The following NEBL variants were observed in gnomAD, a reference collection of about 807,000 sequenced individuals.
NEBL encodes the protein LIM and SH3 protein 2.
NEBL carries 122 observed loss-of-function variants against 140.2 expected under a neutral mutation model. The observed-to-expected ratio is 0.87, with a 90% CI of 0.75 to 1.01. The LOEUF (loss-of-function observed/expected upper bound fraction) is 1.01, where lower values mean the gene tolerates loss of function less well. NEBL is among the 50% of genes least tolerant of loss of function. The probability of loss-of-function intolerance (pLI) is 0.00; values close to 1 mark genes in which losing one functional copy is unlikely to be tolerated. For synonymous variants in NEBL, 436 were observed against 398.9 expected (o/e 1.09, Z -1.11); for missense variants, 1,365 against 1,231.3 (o/e 1.11, Z -1.62).
At chr10:20,994,536 A>T (rs553718609) in intron 3 of NEBL, among the ~76,000 whole-genome samples, 1 of 152,342 alleles carries the variant, frequency 6.6e-6, no homozygotes, top group South Asian at 2.1e-4. Flanking sequence ...GCCGTAATAT[A>T]AAAAGCCAAC....
At chr10:20,793,557 CTTTT>C (rs781461906) in intron 26 of NEBL, among the ~76,000 whole-genome samples, 2 of 141,060 alleles carry the variant, frequency 1.4e-5, no homozygotes, top group African/African-American at 2.6e-5. Flanking sequence ...TCTTTCTTTT[CTTTT>C]TTTTTTTTTT....
intron 26 of NEBL, among the ~76,000 whole-genome samples, chr10:20,791,700 AT>A (rs1325955701): frequency 4.6e-5 from 7 of 152,176 alleles, no homozygotes; most frequent in Non-Finnish European, 1.0e-4. Context: ...TGCTAAGAAC[AT>A]GTTAAGAGGC....
chr10:21,273,599 G>A (rs1002143447), intron 1 of NEBL, among the ~76,000 whole-genome samples: 1 of 152,164 alleles, frequency 6.6e-6, no homozygotes, highest in Admixed American at 6.6e-5. Context: ...CCTCTGCCAA[G>A]TGTTGCTCTG....
intron 1 of NEBL, among the ~76,000 whole-genome samples, chr10:21,257,615 G>T (rs969294488): frequency 2.0e-5 from 3 of 152,188 alleles, no homozygotes; most frequent in Admixed American, 1.3e-4. Context: ...GCCGTGCATG[G>T]TGGCTCACGC....
chr10:20,862,013 C>T (rs762520542), intron 7 of NEBL, among the ~76,000 whole-genome samples: 2 of 152,166 alleles, frequency 1.3e-5, no homozygotes, highest in African/African-American at 2.4e-5. Flanking sequence ...AATAACAAGC[C>T]TGTTTTACAC....
intron 4 of NEBL, among the ~76,000 whole-genome samples, chr10:20,913,789 T>C (rs1320959808): frequency 6.6e-6 from 1 of 152,244 alleles, no homozygotes; most frequent in Non-Finnish European, 1.5e-5. Context: ...GTTGAATGAA[T>C]ATGATCTTAT....
chr10:21,136,157 A>C (rs1839346098), intron 2 of NEBL, among the ~76,000 whole-genome samples: 1 of 152,136 alleles, frequency 6.6e-6, no homozygotes, highest in Non-Finnish European at 1.5e-5. Context: ...TTTGGTCCTC[A>C]AGGCATCTGC....
At chr10:21,130,359 A>G (rs905843978) in intron 2 of NEBL, among the ~76,000 whole-genome samples, 5 of 152,170 alleles carry the variant, frequency 3.3e-5, no homozygotes, top group African/African-American at 1.2e-4. Flanking sequence ...GCAGAAAATC[A>G]GCAAGGACAT....
rs1235059490 is a variant in NEBL, at chr10:20,815,677, C to T, written c.2189G>A (p.Ser730Asn). The T allele has an allele frequency of 1.9e-6, 3 of 1,612,912 alleles. No homozygotes were observed. The South Asian group carries it at 3.3e-5, about 18-fold the overall frequency. ...RGQLGRATTL[S>N]VTPEMERVKK... Reference sequence around the variant, plus strand: ...CACTCTTTCCATTTCAGGAGTTACACTTAAAGTGGTAGCTCTTCCCAGCTG... The same window carrying T: ...CACTCTTTCCATTTCAGGAGTTACATTTAAAGTGGTAGCTCTTCCCAGCTG... Residue 730 changes from serine (S) to asparagine (N), a missense_variant, in exon 22 of 28, where the codon AGT (serine) becomes AAT (asparagine). Physicochemically the swap from Ser to Asn is conservative, Grantham distance 46. Around this residue, in one of 2 missense-constraint regions of NEBL, gnomAD observed 1,323 missense variants for 1,154.8 expected, o/e 1.15. Coordinates refer to ENST00000377122, the MANE Select transcript of NEBL (RefSeq NM_006393.3).
At chr10:21,254,190 T>C (rs996833016) in intron 1 of NEBL, among the ~76,000 whole-genome samples, 3 of 151,854 alleles carry the variant, frequency 2.0e-5, no homozygotes, top group Non-Finnish European at 2.9e-5. Context: ...CAAGCTGGAG[T>C]TCAACGGCAT....
intron 1 of NEBL, among the ~76,000 whole-genome samples, chr10:21,286,048 C>T (rs762049708): frequency 6.6e-6 from 1 of 152,228 alleles, no homozygotes; most frequent in African/African-American, 2.4e-5. Context: ...GGTTCTCCCC[C>T]TCTCTTTAGA....
chr10:20,977,077 CAAAGAT>C (rs2131650639), intron 3 of NEBL, among the ~76,000 whole-genome samples: 1 of 152,198 alleles, frequency 6.6e-6, no homozygotes. Flanking sequence ...CAGTTTCAGT[CAAAGAT>C]AAAGTTTCCA....
At chr10:20,818,902 T>G (rs1044707102) in intron 20 of NEBL, 1 of 980,092 alleles carries the variant, frequency 1.0e-6, no homozygotes, top group Non-Finnish European at 1.2e-6. Flanking sequence ...CCTTTTTAAA[T>G]TTTTAGATAG....
At chr10:20,983,894 C>T (rs45558639) in intron 3 of NEBL, among the ~76,000 whole-genome samples, 3,293 of 152,240 alleles carry the variant, frequency 0.022, 42 homozygotes, top group Middle Eastern at 0.051. Context: ...TTTAAAATGC[C>T]TCAGGGAACT....
At chr10:20,869,610 A>T (rs1344288293) in intron 6 of NEBL, 130 bp downstream of exon 6, 2 of 708,554 alleles carry the variant, frequency 2.8e-6, no homozygotes, top group African/African-American at 3.6e-5. Context: ...TTAGGGGGGG[A>T]AATTGAGATG....
At chr10:20,872,131 T>TA (rs1373876833) in intron 5 of NEBL, among the ~76,000 whole-genome samples, 4 of 152,208 alleles carry the variant, frequency 2.6e-5, no homozygotes, top group Admixed American at 2.6e-4. Context: ...TTACATGGGT[T>TA]ACCTAATTAT....
chr10:20,868,478 T>G, intron 7 of NEBL, 186 bp downstream of exon 7: 1 of 589,994 alleles, frequency 1.7e-6, no homozygotes, highest in Non-Finnish European at 3.0e-6. Flanking sequence ...ATGCTTAAAA[T>G]TAGACTTAAT....
intron 3 of NEBL, among the ~76,000 whole-genome samples, chr10:20,991,551 G>A (rs1837455008): frequency 6.6e-6 from 1 of 151,990 alleles, no homozygotes; most frequent in African/African-American, 2.4e-5. Flanking sequence ...GTTCTACTGA[G>A]ATTTTTAATT....
intron 2 of NEBL, among the ~76,000 whole-genome samples, chr10:21,115,537 T>C (rs958808253): frequency 2.6e-5 from 4 of 151,736 alleles, no homozygotes; most frequent in Non-Finnish European, 5.9e-5. Context: ...TAGGTGAGAG[T>C]TTTTTTTCTT....
Sources: gnomAD v4.1 joint callset for allele counts (sites outside exome capture counted in the v4.1 genomes callset) on GRCh38, gnomAD v4.1.1 for gene constraint, gnomAD v4.1.1 regional missense constraint, MANE v1.5 for transcripts, NCBI Gene and HGNC (gene_info 2026-07-23, HGNC 2026-07-21) for gene names.